The following GREB1L variants were observed in gnomAD, a reference collection of about 807,000 sequenced individuals.
GREB1L encodes the protein GREB1-like protein.
Under a neutral mutation model 200.8 loss-of-function variants are expected in GREB1L, and 17 were observed. The ratio of observed to expected loss-of-function variants is 0.08; its 90% CI spans 0.06 to 0.13. The LOEUF is 0.13. Ranked by LOEUF, GREB1L falls within the 10% of genes least tolerant of loss-of-function variation. GREB1L has a pLI of 1.00. For missense variants in GREB1L, 1,657 were observed against 2,367.7 expected, an observed-to-expected ratio of 0.70 and a Z score of 6.23; for synonymous variants, 789 against 893.0, an observed-to-expected ratio of 0.88 and a Z score of 2.08.
intron 1 of GREB1L, among the ~76,000 whole-genome samples, chr18:21,258,498 C>T (rs144469726): frequency 6.6e-6 from 1 of 152,220 alleles, no homozygotes; most frequent in East Asian, 1.9e-4. Context: ...TAACCTAGGC[C>T]AAACTTCCTT....
At chr18:21,282,226 A>G (rs1251340658) in intron 1 of GREB1L, among the ~76,000 whole-genome samples, 1 of 152,160 alleles carries the variant, frequency 6.6e-6, no homozygotes, top group Non-Finnish European at 1.5e-5. Context: ...GTGAGCTGTG[A>G]TGGAGCCACT....
intron 15 of GREB1L, among the ~76,000 whole-genome samples, chr18:21,467,806 C>T (rs1261605375): frequency 1.3e-5 from 2 of 152,046 alleles, no homozygotes; most frequent in African/African-American, 4.8e-5. Flanking sequence ...GGGCGGATCA[C>T]AAGGTCAGGA....
chr18:21,439,434 T>C (rs918088319), intron 7 of GREB1L, 87 bp from the exon 8 acceptor site: 24 of 761,498 alleles, frequency 3.2e-5, no homozygotes, highest in Non-Finnish European at 5.0e-5. Context: ...TCCTAGAGTG[T>C]GAGGTCTATC....
chr18:21,508,831 T>C (rs1028616785), intron 27 of GREB1L: 2 of 536,640 alleles, frequency 3.7e-6, no homozygotes, highest in African/African-American at 1.9e-5. Flanking sequence ...AAGAAGTCAC[T>C]GGTGTACTGA....
chr18:21,475,231 TCTCA>T (rs2035640288), intron 16 of GREB1L, among the ~76,000 whole-genome samples: 1 of 152,172 alleles, frequency 6.6e-6, no homozygotes, highest in Non-Finnish European at 1.5e-5. Context: ...TTCCTTCCTC[TCTCA>T]CTATTTCTCC....
chr18:21,370,311 A>G (rs921295897), intron 2 of GREB1L, among the ~76,000 whole-genome samples: 3 of 152,210 alleles, frequency 2.0e-5, no homozygotes, highest in African/African-American at 7.2e-5. Flanking sequence ...CAGATACTAG[A>G]CCCAACTAAC....
intron 2 of GREB1L, among the ~76,000 whole-genome samples, chr18:21,372,150 C>CT (rs1010758595): frequency 0.024 from 3,394 of 139,428 alleles, 56 homozygotes; most frequent in Middle Eastern, 0.055. Flanking sequence ...ATTTGTCTCT[C>CT]TTTTTTTTTT....
At chr18:21,512,953 C>T (rs77830035) in intron 27 of GREB1L, among the ~76,000 whole-genome samples, 3,419 of 152,218 alleles carry the variant, frequency 0.022, 141 homozygotes, top group African/African-American at 0.079. Flanking sequence ...TTATCACCTA[C>T]GTTTTGTTTC....
rs956025447 is a variant in GREB1L, at chr18:21,344,139, C to A, written c.-119-21888C>A. 8.5e-5 allele frequency among the ~76,000 whole-genome samples: 13 copies of A among 152,272 alleles called. No homozygotes were observed. In the East Asian group the frequency reaches 2.5e-3, roughly 29 times the overall value. On this transcript the variant is annotated intron_variant, in intron 1 of 32. Coordinates refer to ENST00000424526, the MANE Select transcript of GREB1L (RefSeq NM_001142966.3). ...GCTTGAGGCTGGGTGCGGTGGCTCA[C>A]GCCTGTAATGCCAGAACTTTGGGAG...
intron 1 of GREB1L, among the ~76,000 whole-genome samples, chr18:21,334,923 T>C (rs1157080847): frequency 6.6e-6 from 1 of 152,180 alleles, no homozygotes; most frequent in Non-Finnish European, 1.5e-5. Context: ...TAATAAAAAA[T>C]ATAGCCAGTT....
intron 1 of GREB1L, among the ~76,000 whole-genome samples, chr18:21,329,529 T>C (rs2039075075): frequency 6.6e-6 from 1 of 152,094 alleles, no homozygotes; most frequent in Non-Finnish European, 1.5e-5. Flanking sequence ...GGACTTAATC[T>C]CAAGGACTTG....
At chr18:21,434,543 G>GTA (rs386387129) in intron 7 of GREB1L, among the ~76,000 whole-genome samples, 2 of 143,926 alleles carry the variant, frequency 1.4e-5, no homozygotes, top group Non-Finnish European at 3.0e-5. Flanking sequence ...ATATATATGT[G>GTA]TATATATATG....
At chr18:21,413,691 C>T (rs1270670097) in intron 7 of GREB1L, among the ~76,000 whole-genome samples, 1 of 152,098 alleles carries the variant, frequency 6.6e-6, no homozygotes, top group African/African-American at 2.4e-5. Flanking sequence ...ATTTGATGAA[C>T]TCATGGATGG....
Position 21,403,928 on chromosome 18 carries a change from GTGT to G in GREB1L, c.767_769del (p.Val256_Ser257delinsAla). On this transcript the variant is annotated inframe_deletion, in exon 7 of 33. Transcript: ENST00000424526. ...CCACTCTATTAAGCCAAGCTCTTCA[GTGT>G]CGTCAACTGTGACCCCAGAAAATGG... is the stretch of plus-strand genomic sequence containing the variant. 3 of 1,551,288 alleles carry G rather than the reference GTGT, an allele frequency of 1.9e-6. No homozygotes were observed. Among genetic ancestry groups the G allele is most frequent in the Non-Finnish European group, 1.7e-6 (2 of 1,146,316 alleles).
chr18:21,447,482 T>G (rs1486417656), intron 11 of GREB1L, among the ~76,000 whole-genome samples: 1 of 152,244 alleles, frequency 6.6e-6, no homozygotes, highest in Non-Finnish European at 1.5e-5. Context: ...CAACAAAGGA[T>G]GTTGTGAACA....
At chr18:21,481,461 G>GTATA (rs1276975357) in intron 17 of GREB1L, among the ~76,000 whole-genome samples, 1 of 143,004 alleles carries the variant, frequency 7.0e-6, no homozygotes, top group African/African-American at 2.6e-5. Flanking sequence ...GTGTGTGTGT[G>GTATA]TGTGTGTGTG....
At chr18:21,496,822 A>AG in intron 21 of GREB1L, 124 bp downstream of exon 21, 1 of 1,074,584 alleles carries the variant, frequency 9.3e-7, no homozygotes, top group Non-Finnish European at 1.3e-6. Flanking sequence ...AGGGACTGGC[A>AG]TCCTCTCCAG....
chr18:21,373,843 C>CTTTGGAGCTGT (rs1455463671), intron 2 of GREB1L, among the ~76,000 whole-genome samples: 1 of 152,144 alleles, frequency 6.6e-6, no homozygotes, highest in African/African-American at 2.4e-5. Flanking sequence ...CAAAGGAGCT[C>CTTTGGAGCTGT]TTGCTTTTTC....
chr18:21,344,720 G>A (rs985909818), intron 1 of GREB1L, among the ~76,000 whole-genome samples: 1 of 152,188 alleles, frequency 6.6e-6, no homozygotes, highest in South Asian at 2.1e-4. Context: ...TAGGCCAGGT[G>A]TTTAATAGCT....
Sources: gnomAD v4.1 joint callset for allele counts (sites outside exome capture counted in the v4.1 genomes callset) on GRCh38, gnomAD v4.1.1 for gene constraint, MANE v1.5 for transcripts, NCBI Gene and HGNC (gene_info 2026-07-23, HGNC 2026-07-21) for gene names.